The following COL27A1 variants were observed in gnomAD, a reference collection of about 807,000 sequenced individuals.
COL27A1 encodes the protein collagen alpha-1(XXVII) chain.
In COL27A1, 106 loss-of-function variants were observed where a neutral mutation model predicts 251.3. The ratio of observed to expected loss-of-function variants is 0.42; its 90% confidence interval spans 0.36 to 0.50. The LOEUF is 0.50. Ranked by LOEUF, COL27A1 falls within the 20% of genes least tolerant of loss-of-function variation. The pLI is 0.00. For synonymous variants in COL27A1, 1,000 were observed against 986.3 expected, an observed-to-expected ratio of 1.01 and a Z score of -0.26; for missense variants, 2,325 against 2,522.8, an observed-to-expected ratio of 0.92 and a Z score of 1.68.
At chr9:114,289,083 G>A (rs1564574749) in intron 44 of COL27A1, 116 bp downstream of exon 44, 1 of 1,407,068 alleles carries the variant, frequency 7.1e-7, no homozygotes, top group Non-Finnish European at 9.8e-7. Context: ...GGAGGGTCTG[G>A]GGCAGCCATT....
chr9:114,282,201 T>C, intron 37 of COL27A1, 76 bp from the exon 38 acceptor site: 1 of 1,389,102 alleles, frequency 7.2e-7, no homozygotes, highest in Non-Finnish European at 1.0e-6. Context: ...GCCGACAGTC[T>C]GACCGCCTTG....
chr9:114,196,191 G>A lies in COL27A1; in HGVS notation c.2124+179G>A, dbSNP rs543615013. Among the ~76,000 whole-genome samples the A allele has an allele frequency of 3.3e-5, 5 of 152,304 alleles. No homozygotes were observed. In the East Asian group the frequency reaches 7.7e-4, roughly 24 times the overall value. On this transcript the variant is annotated intron_variant, in intron 7 of 60. Transcript: ENST00000356083. The stretch of plus-strand genomic sequence containing the variant: ...CAAGGGTTGTGCCTGTTGAGGGCAG[G>A]GAATACCTCGGCTCGTAGTAGGTGC...
rs186576354 is a variant in COL27A1, at chr9:114,281,354, C to T, written c.3718-923C>T. Among the ~76,000 whole-genome samples, 166 of 152,376 alleles carry T rather than the reference C, an allele frequency of 1.1e-3. 1 individual carries two copies. Among genetic ancestry groups the T allele is most frequent in the Middle Eastern group, 6.8e-3 (2 of 294 alleles). ...ATTCACACTTGCACACACTCACTCA[C>T]CCTTGCTGTGCAGTTTCTCTGACAA... On this transcript the variant is annotated intron_variant, in intron 37 of 60. Coordinates refer to ENST00000356083, the MANE Select transcript of COL27A1 (RefSeq NM_032888.4).
At chr9:114,302,417 C>T (rs1486115559) in intron 56 of COL27A1, among the ~76,000 whole-genome samples, 1 of 152,148 alleles carries the variant, frequency 6.6e-6, no homozygotes, top group Non-Finnish European at 1.5e-5. Flanking sequence ...GTCTGTACAT[C>T]TCAGATTCTG....
intron 42 of COL27A1, 84 bp downstream of exon 42, chr9:114,288,595 AG>A (rs1231774211): frequency 1.3e-6 from 2 of 1,544,552 alleles, no homozygotes; most frequent in Admixed American, 3.8e-5. Flanking sequence ...TGGGCCGATC[AG>A]GGGCCAGGTC....
intron 48 of COL27A1, 56 bp from the exon 49 acceptor site, chr9:114,292,047 C>T (rs371377392): frequency 8.8e-6 from 13 of 1,472,926 alleles, no homozygotes; most frequent in East Asian, 2.5e-5. Context: ...TCCGCCTCCT[C>T]CTGCCTTAGA....
intron 59 of COL27A1, among the ~76,000 whole-genome samples, chr9:114,308,825 C>T (rs1184558864): frequency 6.6e-6 from 1 of 152,210 alleles, no homozygotes; most frequent in Admixed American, 6.5e-5. Context: ...CTGCCATTTC[C>T]GGCAGCACCC....
chr9:114,303,664 T>G (rs1282809098), intron 56 of COL27A1, among the ~76,000 whole-genome samples: 5 of 152,242 alleles, frequency 3.3e-5, no homozygotes, highest in Admixed American at 6.5e-5. Flanking sequence ...CCCCAGATTA[T>G]GCAGTTAGTA....
At chr9:114,287,568 G>T (rs766124657) in intron 41 of COL27A1, among the ~76,000 whole-genome samples, 2 of 152,094 alleles carry the variant, frequency 1.3e-5, no homozygotes, top group African/African-American at 2.4e-5. Flanking sequence ...ATTGTTACCG[G>T]CTACGGCAAT....
intron 15 of COL27A1, 78 bp from the exon 16 acceptor site, chr9:114,231,744 A>G: frequency 6.9e-7 from 1 of 1,446,784 alleles, no homozygotes; most frequent in African/African-American, 1.4e-5. Context: ...GTCTTGCAGC[A>G]AGTCGTGTTT....
intron 5 of COL27A1, among the ~76,000 whole-genome samples, chr9:114,190,036 T>C (rs1040231691): frequency 2.0e-5 from 3 of 152,206 alleles, no homozygotes; most frequent in African/African-American, 7.2e-5. Flanking sequence ...TCTAGACCCA[T>C]GAAAATAGTC....
chr9:114,167,543 G>A, intron 2 of COL27A1, 146 bp from the exon 3 acceptor site: 1 of 699,476 alleles, frequency 1.4e-6, no homozygotes, highest in African/African-American at 1.8e-5. Flanking sequence ...ACCACCATGG[G>A]GCGGTGTCAT....
chr9:114,243,317 G>A (rs1278053995), intron 22 of COL27A1, among the ~76,000 whole-genome samples, 190 bp from the exon 23 acceptor site: 3 of 152,168 alleles, frequency 2.0e-5, no homozygotes, highest in East Asian at 1.9e-4. Flanking sequence ...CTGAGTTCAC[G>A]CAGCTGGAAA....
intron 49 of COL27A1, among the ~76,000 whole-genome samples, chr9:114,295,898 C>T (rs892696337): frequency 1.5e-4 from 23 of 152,152 alleles, no homozygotes; most frequent in African/African-American, 5.1e-4. Flanking sequence ...TCCACCACCT[C>T]GGCCTCCCAA....
intron 28 of COL27A1, among the ~76,000 whole-genome samples, chr9:114,259,432 G>A (rs1363753177): frequency 6.6e-6 from 1 of 152,214 alleles, no homozygotes; most frequent in Non-Finnish European, 1.5e-5. Context: ...ACCCTGTCAT[G>A]AAGGTGCTAT....
chr9:114,243,822 G>A (rs1282210865), intron 23 of COL27A1, among the ~76,000 whole-genome samples: 1 of 151,986 alleles, frequency 6.6e-6, no homozygotes, highest in Non-Finnish European at 1.5e-5. Context: ...GAAGATGCCT[G>A]AATGTGGGGT....
chr9:114,301,483 GGC>G (rs1242311689), intron 54 of COL27A1, 21 bp downstream of exon 54: 2 of 1,605,698 alleles, frequency 1.2e-6, no homozygotes, highest in Non-Finnish European at 8.5e-7. Flanking sequence ...TGGGCATGAG[GGC>G]TGTGGGGCGG....
At chr9:114,265,262 C>T in intron 31 of COL27A1, 152 bp downstream of exon 31, 9 of 1,104,872 alleles carry the variant, frequency 8.1e-6, no homozygotes, top group East Asian at 2.4e-5. Flanking sequence ...TGCACTGAAG[C>T]TCCTCCAGCA....
chr9:114,235,793 A>G (rs1325292798), intron 17 of COL27A1, 141 bp downstream of exon 17: 3 of 704,944 alleles, frequency 4.3e-6, no homozygotes, highest in African/African-American at 3.5e-5. Flanking sequence ...AGTCTTCTCC[A>G]TCCTTGATCC....
Sources: allele counts gnomAD v4.1 joint callset (sites outside exome capture counted in the v4.1 genomes callset), GRCh38; gene constraint gnomAD v4.1.1; transcripts MANE v1.5; gene names NCBI Gene and HGNC (gene_info 2026-07-23, HGNC 2026-07-21).